IQCK: variants seen among roughly 807,000 people sequenced by gnomAD.
IQCK encodes the protein IQ motif containing K, also known as IQ domain-containing protein K.
In IQCK, 29 loss-of-function variants were observed where a neutral mutation model predicts 28.1. The ratio of observed to expected loss-of-function variants is 1.03; its 90% CI spans 0.77 to 1.41. IQCK has a LOEUF of 1.41. Among genes scored for constraint, IQCK ranks in the 40% most tolerant of loss-of-function variants. IQCK has a pLI of 0.00. For missense variants in IQCK, 359 were observed against 314.7 expected (o/e 1.14, Z -1.07); for synonymous variants, 113 against 115.1 (o/e 0.98, Z 0.12).
chr16:19,757,542 T>G (rs1379133917), intron 4 of IQCK, among the ~76,000 whole-genome samples: 2 of 152,120 alleles, frequency 1.3e-5, no homozygotes, highest in African/African-American at 2.4e-5. Flanking sequence ...GCCATGGTAA[T>G]TCTATGCCTA....
chr16:19,777,588 A>G (rs2055412606), intron 6 of IQCK, among the ~76,000 whole-genome samples: 1 of 152,100 alleles, frequency 6.6e-6, no homozygotes. Context: ...ATTCATCTTC[A>G]AATAGAGGGA....
chr16:19,857,241 C>T (rs1235468891), exon 10 of IQCK: 10 of 300,010 alleles, frequency 3.3e-5, no homozygotes, highest in African/African-American at 9.2e-5. Context: ...AAGGCAGATC[C>T]GAAAGCCTAG....
chr16:19,737,809 A>C, intron 4 of IQCK, among the ~76,000 whole-genome samples: 1 of 150,618 alleles, frequency 6.6e-6, no homozygotes, highest in South Asian at 2.1e-4. Context: ...ACCAACCCCC[A>C]CCTCACGGCC....
chr16:19,803,169 G>T (rs779393567), intron 7 of IQCK, among the ~76,000 whole-genome samples: 1 of 152,046 alleles, frequency 6.6e-6, no homozygotes, highest in Admixed American at 6.6e-5. Flanking sequence ...TTGAGACAGA[G>T]TCTCACTCTG....
chr16:19,808,549 C>T (rs933554753), intron 7 of IQCK, among the ~76,000 whole-genome samples: 1 of 152,090 alleles, frequency 6.6e-6, no homozygotes, highest in African/African-American at 2.4e-5. Flanking sequence ...CTTATCTGTA[C>T]GTGAGGCTGA....
chr16:19,827,203 G>A (rs1374720757), downstream of IQCK: 1 of 1,161,102 alleles, frequency 8.6e-7, no homozygotes, highest in Admixed American at 1.8e-5. Flanking sequence ...CCAGGCTCAA[G>A]AAGGAGGCCC....
intron 6 of IQCK, among the ~76,000 whole-genome samples, chr16:19,766,836 G>C (rs865825773): frequency 6.6e-6 from 1 of 152,204 alleles, no homozygotes; most frequent in African/African-American, 2.4e-5. Context: ...TTGGGAGGCC[G>C]AGGTGGGTAG....
intron 7 of IQCK, among the ~76,000 whole-genome samples, chr16:19,812,638 A>G (rs2055922693): frequency 6.6e-6 from 1 of 152,328 alleles, no homozygotes; most frequent in East Asian, 1.9e-4. Context: ...GATGTGGGCA[A>G]ACTTGGAACT....
chr16:19,844,265 T>C (rs1416470882), intron 9 of IQCK, among the ~76,000 whole-genome samples: 1 of 151,970 alleles, frequency 6.6e-6, no homozygotes, highest in African/African-American at 2.4e-5. Context: ...TTTTTAGTAG[T>C]GACAGGGTTT....
At chr16:19,773,747 G>A (rs931213910) in intron 6 of IQCK, among the ~76,000 whole-genome samples, 5 of 152,166 alleles carry the variant, frequency 3.3e-5, no homozygotes, top group Non-Finnish European at 5.9e-5. Context: ...CCCTGTTTCA[G>A]GTGGACACCA....
intron 6 of IQCK, among the ~76,000 whole-genome samples, chr16:19,784,793 G>T (rs1303580385): frequency 6.6e-6 from 1 of 152,188 alleles, no homozygotes. Context: ...TTTTGAGATG[G>T]AGTCTTGCTC....
Position 19,850,461 on chromosome 16 carries a change from G to A in IQCK, c.803-6026G>A, listed in dbSNP as rs146452870. Reference sequence around the variant, plus strand: ...TTATTTACCTGGAATCCTAGAAATCGGGAGCTAATTGAGTAAAAGATGAAC... The same window carrying A: ...TTATTTACCTGGAATCCTAGAAATCAGGAGCTAATTGAGTAAAAGATGAAC... On this transcript the variant is annotated intron_variant, in intron 9 of 9. Transcript: ENST00000320394. Among the ~76,000 whole-genome samples the A allele has an allele frequency of 4.8e-4, 73 of 152,216 alleles. 1 individual carries two copies. In the East Asian group the frequency reaches 6.6e-3, roughly 14 times the overall value.
At chr16:19,827,304 G>A, downstream of IQCK, 1 of 600,598 alleles carries the variant, frequency 1.7e-6, no homozygotes, top group African/African-American at 1.9e-5. Flanking sequence ...TGGAATGACA[G>A]AGGTGATGTG....
chr16:19,799,099 T>C lies in IQCK; in HGVS notation c.690+10177T>C, dbSNP rs1035390553. Among the ~76,000 whole-genome samples, 11 of 101,592 alleles carry C rather than the reference T, an allele frequency of 1.1e-4. 5 individuals carry two copies. The highest frequency in any genetic ancestry group is 9.6e-4 in the African/African-American group (11 of 11,434). The allele number at this position is 101,592 out of a possible 152,430, so 66.6% of individuals were successfully genotyped here. On this transcript the variant is annotated intron_variant, in intron 7 of 7. Transcript: ENST00000564186. ...ATACTATTCATCCTTCTAGAATTTT[T>C]TCTATTCATATGGAAATTTTTAAAA...
At chr16:19,767,499 T>G (rs1409828538) in intron 6 of IQCK, among the ~76,000 whole-genome samples, 1 of 152,062 alleles carries the variant, frequency 6.6e-6, no homozygotes, top group Non-Finnish European at 1.5e-5. Context: ...AAACTCAGCC[T>G]CGTCCTGCCA....
chr16:19,733,843 G>A lies in IQCK; in HGVS notation c.376+16G>A. Reference sequence around the variant, plus strand: ...CCAAAAACATGTGAGTAAGAGAGATGCCATCTTTTATAATTTGGGGCTTTT... The same window carrying A: ...CCAAAAACATGTGAGTAAGAGAGATACCATCTTTTATAATTTGGGGCTTTT... On this transcript the variant is annotated intron_variant, in intron 3 of 7. Coordinates refer to ENST00000564186, the Ensembl canonical transcript of IQCK. 7 of 1,613,216 alleles carry A rather than the reference G, an allele frequency of 4.3e-6. No individual in the cohort carries two copies. Among genetic ancestry groups the A allele is most frequent in the Non-Finnish European group, 5.9e-6 (7 of 1,179,606 alleles).
chr16:19,760,349 C>T (rs1322529981), intron 4 of IQCK, among the ~76,000 whole-genome samples: 1 of 152,082 alleles, frequency 6.6e-6, no homozygotes, highest in African/African-American at 2.4e-5. Context: ...ATTTTGGCTT[C>T]AGTCATAGCT....
chr16:19,810,300 T>C (rs1174378840), intron 7 of IQCK, among the ~76,000 whole-genome samples: 4 of 148,688 alleles, frequency 2.7e-5, no homozygotes, highest in East Asian at 2.0e-4. Flanking sequence ...ATTGAGACCA[T>C]CCTGGCTAAC....
At chr16:19,828,663 A>T (rs1289349634), downstream of IQCK, among the ~76,000 whole-genome samples, 1 of 150,458 alleles carries the variant, frequency 6.6e-6, no homozygotes, top group Non-Finnish European at 1.5e-5. Context: ...GATCACCTGA[A>T]GTCAGAAGTT....
Sources: allele counts gnomAD v4.1 joint callset (sites outside exome capture counted in the v4.1 genomes callset), GRCh38; gene constraint gnomAD v4.1.1; transcripts MANE v1.5; gene names NCBI Gene and HGNC (gene_info 2026-07-23, HGNC 2026-07-21).